SDK2: variants seen among roughly 807,000 people sequenced by gnomAD.
SDK2 encodes sidekick cell adhesion molecule 2.
Under a neutral mutation model 253.9 loss-of-function variants are expected in SDK2, and 105 were observed. The observed-to-expected ratio is 0.41, with a 90% confidence interval of 0.35 to 0.49. SDK2 has a LOEUF of 0.49. Among genes scored for constraint, SDK2 ranks in the 20% least tolerant of loss-of-function variants. The pLI, the probability that SDK2 is intolerant of heterozygous loss-of-function variation, is 0.06. For missense variants in SDK2, 2,608 were observed against 3,003.0 expected, an observed-to-expected ratio of 0.87 and a Z score of 3.07; for synonymous variants, 1,249 against 1,234.9, an observed-to-expected ratio of 1.01 and a Z score of -0.24.
intron 40 of SDK2, chr17:73,357,719 C>G (rs1216514181): frequency 1.2e-5 from 4 of 342,648 alleles, no homozygotes; most frequent in African/African-American, 8.9e-5. Context: ...GAGAGGCAGC[C>G]AGGGTCTTCT....
At chr17:73,526,855 C>T (rs767551985) in intron 1 of SDK2, among the ~76,000 whole-genome samples, 4 of 152,192 alleles carry the variant, frequency 2.6e-5, no homozygotes, top group Non-Finnish European at 5.9e-5. Context: ...CTTTGATGAG[C>T]ATGCAATAAA....
At chr17:73,568,179 C>T (rs1235408624) in intron 1 of SDK2, among the ~76,000 whole-genome samples, 3 of 152,258 alleles carry the variant, frequency 2.0e-5, no homozygotes, top group Non-Finnish European at 2.9e-5. Flanking sequence ...GGTGAATTCT[C>T]GCTCTGTTAG....
chr17:73,637,091 G>A (rs2046341830), intron 1 of SDK2, among the ~76,000 whole-genome samples: 1 of 152,166 alleles, frequency 6.6e-6, no homozygotes, highest in African/African-American at 2.4e-5. Flanking sequence ...GCTTAAGGGG[G>A]AATAAAATAA....
intron 3 of SDK2, among the ~76,000 whole-genome samples, chr17:73,459,839 TTTTGAC>T (rs2063552215): frequency 6.6e-6 from 1 of 152,140 alleles, no homozygotes; most frequent in Non-Finnish European, 1.5e-5. Context: ...AGGACAAAAC[TTTTGAC>T]TTTGTCAAGC....
At chr17:73,551,361 A>G (rs1183699529) in intron 1 of SDK2, among the ~76,000 whole-genome samples, 4 of 152,178 alleles carry the variant, frequency 2.6e-5, no homozygotes, top group Non-Finnish European at 4.4e-5. Context: ...GACAAAGAAC[A>G]GAAACGCGGC....
At chr17:73,375,831 G>A (rs1568371364) in intron 36 of SDK2, among the ~76,000 whole-genome samples, 1 of 147,370 alleles carries the variant, frequency 6.8e-6, no homozygotes, top group African/African-American at 2.6e-5. Context: ...ACTTCAGCCT[G>A]GGTGACAGAA....
chr17:73,411,511 C>T (rs1485200142), intron 18 of SDK2, among the ~76,000 whole-genome samples: 2 of 152,138 alleles, frequency 1.3e-5, no homozygotes, highest in Non-Finnish European at 2.9e-5. Flanking sequence ...GCTCTGCCTC[C>T]CCTCCCACAT....
intron 22 of SDK2, 51 bp downstream of exon 22, chr17:73,399,117 G>T: frequency 6.2e-7 from 1 of 1,601,454 alleles, no homozygotes; most frequent in Non-Finnish European, 8.5e-7. Context: ...GCACTCAAGG[G>T]CACGGGGTGC....
intron 1 of SDK2, among the ~76,000 whole-genome samples, chr17:73,606,504 C>T (rs1390445954): frequency 6.6e-6 from 1 of 152,184 alleles, no homozygotes; most frequent in African/African-American, 2.4e-5. Context: ...CGGGTCCTCT[C>T]CTATTTTACC....
rs2063328301 is a variant in SDK2, at chr17:73,431,781, T to C, written c.1313-112A>G. The C allele has an allele frequency of 1.7e-6, 2 of 1,162,142 alleles. No individual in the cohort carries two copies. The highest frequency in any genetic ancestry group is 3.3e-5 in the South Asian group (2 of 60,542). The allele number at this position is 1,162,142 out of a possible 1,614,324, so 72.0% of individuals were successfully genotyped here. A position where few individuals can be genotyped will look rare whatever the true frequency, so the allele number is the denominator to read the frequency against. Reference sequence around the variant, plus strand: ...CCCCACAGGCCCCTGGCTCTGGAAATGCTGGAAGGAATGAGGACAGATGGC... The same window carrying C: ...CCCCACAGGCCCCTGGCTCTGGAAACGCTGGAAGGAATGAGGACAGATGGC... On this transcript the variant is annotated intron_variant, in intron 10 of 44. Transcript: ENST00000392650. The surrounding 1 kb of genome is among the most constrained non-coding windows in gnomAD (Gnocchi z 5.6).
chr17:73,384,968 C>T (rs1032167720), intron 32 of SDK2, among the ~76,000 whole-genome samples: 1 of 152,238 alleles, frequency 6.6e-6, no homozygotes, highest in African/African-American at 2.4e-5. Context: ...GTCACAGGTG[C>T]ACTAAGTCAT....
In SDK2 at chr17:73,363,140, A is replaced by G. The variant is rs144084669; in HGVS notation, c.5306-1295T>C. ...CTATTGTTGCCCAGGCTGGAGTGCA[A>G]TGGCGCGATCTCAGCTCACTGAAAC... On this transcript the variant is annotated intron_variant, in intron 38 of 44. Transcript: ENST00000392650. Among the ~76,000 whole-genome samples, 73 of 152,242 alleles carry G rather than the reference A, an allele frequency of 4.8e-4. 1 individual carries two copies. The East Asian group carries it at 0.011, about 23-fold the overall frequency.
At chr17:73,586,098 G>A (rs918544900) in intron 1 of SDK2, among the ~76,000 whole-genome samples, 2 of 152,136 alleles carry the variant, frequency 1.3e-5, no homozygotes, top group East Asian at 3.9e-4. Flanking sequence ...AGCCTCATGG[G>A]CTATTGTAGG....
intron 1 of SDK2, among the ~76,000 whole-genome samples, chr17:73,555,942 G>A (rs2045137303): frequency 6.6e-6 from 1 of 152,178 alleles, no homozygotes. Context: ...CTGGCCAGAA[G>A]CAGTGGATGG....
chr17:73,590,364 A>T (rs565781192), intron 1 of SDK2, among the ~76,000 whole-genome samples: 1 of 152,284 alleles, frequency 6.6e-6, no homozygotes, highest in Non-Finnish European at 1.5e-5. Flanking sequence ...CCTGTCGGAG[A>T]TGATGCTGGA....
At chr17:73,423,682 G>A (rs1362627840) in intron 13 of SDK2, among the ~76,000 whole-genome samples, 160 bp from the exon 14 acceptor site, 1 of 152,172 alleles carries the variant, frequency 6.6e-6, no homozygotes, top group East Asian at 1.9e-4. Flanking sequence ...TTTTCTCTCT[G>A]GAACCAGAGC....
chr17:73,437,856 G>A, intron 7 of SDK2, 34 bp from the exon 8 acceptor site: 1 of 1,611,262 alleles, frequency 6.2e-7, no homozygotes, highest in South Asian at 1.1e-5. Context: ...GGGGGTCAGA[G>A]CCATGCTCGC....
In SDK2 at chr17:73,431,365, TGACTGGGACA is replaced by T. The variant is rs1232454051; in HGVS notation, c.1480+127_1480+136del. 1 of 828,520 alleles carries T rather than the reference TGACTGGGACA, an allele frequency of 1.2e-6. No homozygotes were observed. The highest frequency in any genetic ancestry group is 1.7e-5 in the African/African-American group (1 of 57,464). The allele number at this position is 828,520 out of a possible 1,614,324, so 51.3% of individuals were successfully genotyped here. On this transcript the variant is annotated intron_variant, in intron 11 of 44. Coordinates refer to ENST00000392650, the MANE Select transcript of SDK2 (RefSeq NM_001144952.2). The surrounding 1 kb of genome is among the most constrained non-coding windows in gnomAD (Gnocchi z 5.6). ...ACTGTCCCTCTGATGAGAAGGGCCCTGACTGGGACAGACACTGGGGATGGAGACACTGGTG... is the reference window on the plus strand; with the variant it reads ...ACTGTCCCTCTGATGAGAAGGGCCCTGACACTGGGGATGGAGACACTGGTG...
At chr17:73,565,622 TA>T (rs1282727113) in intron 1 of SDK2, among the ~76,000 whole-genome samples, 1 of 152,098 alleles carries the variant, frequency 6.6e-6, no homozygotes, top group African/African-American at 2.4e-5. Context: ...AAGAACCACA[TA>T]AAAATTCTAG....
Sources: allele counts gnomAD v4.1 joint callset (sites outside exome capture counted in the v4.1 genomes callset), GRCh38; gene constraint gnomAD v4.1.1; non-coding constraint Gnocchi (gnomAD v3.1); transcripts MANE v1.5; gene names NCBI Gene and HGNC (gene_info 2026-07-23, HGNC 2026-07-21).